ATL3: variants seen among roughly 807,000 people sequenced by gnomAD.
ATL3 encodes the protein atlastin-3.
In ATL3, 49 loss-of-function variants were observed where a neutral mutation model predicts 69.5. That is an observed-to-expected ratio of 0.71 (90% CI 0.56 to 0.89). The LOEUF (loss-of-function observed/expected upper bound fraction) is 0.89. ATL3 is among the 40% of genes least tolerant of loss of function. The probability of loss-of-function intolerance (pLI) is 0.00; values close to 1 mark genes in which losing one functional copy is unlikely to be tolerated. For synonymous variants in ATL3, 214 were observed against 224.1 expected (o/e 0.95, Z 0.40); for missense variants, 606 against 645.7 (o/e 0.94, Z 0.67).
Position 63,629,367 on chromosome 11 carries a change from C to A in ATL3, c.1578G>T (p.Val526=). 2 of 1,614,220 alleles carry A rather than the reference C, an allele frequency of 1.2e-6. No individual in the cohort carries two copies. The highest frequency in any genetic ancestry group is 3.3e-5 in the Admixed American group (2 of 60,028). Residue 526 remains valine (V), a synonymous_variant, in exon 13 of 13, where the codon GTG becomes GTT. Transcript: ENST00000398868. ...SHIGNSTQAT[V]RDAVVGRPSM... Reference sequence around the variant, plus strand: ...ATGGTCTTCCAACAACTGCATCCCTCACAGTGGCCTGAGTGGAATTACCGA... The same window carrying A: ...ATGGTCTTCCAACAACTGCATCCCTAACAGTGGCCTGAGTGGAATTACCGA...
At chr11:63,630,411 C>T (rs1465348415) in intron 12 of ATL3, among the ~76,000 whole-genome samples, 3 of 93,882 alleles carry the variant, frequency 3.2e-5, no homozygotes, top group South Asian at 3.2e-4. Context: ...TGGGCAAAAG[C>T]GTAAAAATCT....
upstream of ATL3, chr11:63,671,908 TTAAC>T (rs1940801737): frequency 3.4e-6 from 1 of 291,356 alleles, no homozygotes; most frequent in Admixed American, 6.2e-5. Context: ...GCTTTGGTGT[TTAAC>T]TAGGCCTGGG....
At chr11:63,644,364 T>A in intron 6 of ATL3, 103 bp from the exon 7 acceptor site, 1 of 635,974 alleles carries the variant, frequency 1.6e-6, no homozygotes, top group Non-Finnish European at 2.7e-6. Flanking sequence ...ACAAAGGGGG[T>A]AAAGTAGAAG....
intron 8 of ATL3, among the ~76,000 whole-genome samples, chr11:63,638,460 C>A (rs1435278407): frequency 6.6e-6 from 1 of 152,050 alleles, no homozygotes; most frequent in African/African-American, 2.4e-5. Context: ...ATCCCAGCAC[C>A]TTGGGAGGCC....
At chr11:63,630,540 G>A (rs1043416079) in intron 12 of ATL3, among the ~76,000 whole-genome samples, 2 of 149,656 alleles carry the variant, frequency 1.3e-5, no homozygotes, top group Non-Finnish European at 3.0e-5. Context: ...GCTCACACCT[G>A]TAATCCCAGC....
At chr11:63,671,521 A>G, upstream of ATL3, 1 of 1,436,454 alleles carries the variant, frequency 7.0e-7, no homozygotes, top group South Asian at 1.4e-5. Flanking sequence ...GGCCCAACGG[A>G]CAGCCCGAGG....
chr11:63,657,088 T>A (rs1194755798), intron 3 of ATL3, among the ~76,000 whole-genome samples: 3 of 151,498 alleles, frequency 2.0e-5, no homozygotes, highest in Non-Finnish European at 4.4e-5. Context: ...TGTGCACCTG[T>A]ACTCCCAGCT....
intron 1 of ATL3, among the ~76,000 whole-genome samples, chr11:63,663,080 T>C (rs1016345903): frequency 4.6e-5 from 7 of 152,066 alleles, no homozygotes; most frequent in African/African-American, 1.7e-4. Context: ...TGCTCACTTT[T>C]TACATTTATA....
chr11:63,640,772 T>C (rs1939676004), intron 8 of ATL3, among the ~76,000 whole-genome samples: 1 of 152,050 alleles, frequency 6.6e-6, no homozygotes, highest in Admixed American at 6.6e-5. Context: ...GCCTGGCTAA[T>C]TTTTGTTTTA....
chr11:63,634,545 C>T (rs370253633), intron 10 of ATL3, among the ~76,000 whole-genome samples: 1 of 152,056 alleles, frequency 6.6e-6, no homozygotes, highest in Admixed American at 6.6e-5. Flanking sequence ...ATGTCAATCC[C>T]AGGCTCTAGC....
intron 6 of ATL3, among the ~76,000 whole-genome samples, 178 bp from the exon 7 acceptor site, chr11:63,644,439 GAGTGC>G (rs555658592): frequency 2.7e-5 from 4 of 145,712 alleles, no homozygotes; most frequent in South Asian, 4.3e-4. Context: ...ACTAAGGCTA[GAGTGC>G]AGTGGCATGA....
intron 3 of ATL3, among the ~76,000 whole-genome samples, chr11:63,657,208 C>CAAAAAAAAA (rs1254213240): frequency 6.7e-5 from 4 of 59,912 alleles, no homozygotes; most frequent in African/African-American, 1.9e-4. Context: ...GACTACATCT[C>CAAAAAAAAA]AAAAAAAAAA....
At chr11:63,642,299 G>A (rs1045054242) in intron 8 of ATL3, among the ~76,000 whole-genome samples, 2 of 152,120 alleles carry the variant, frequency 1.3e-5, no homozygotes, top group East Asian at 3.8e-4. Context: ...ACAAATAAAA[G>A]GTAAAGGTTA....
chr11:63,667,763 CAAA>C (rs35015200), intron 1 of ATL3, among the ~76,000 whole-genome samples: 5 of 99,530 alleles, frequency 5.0e-5, no homozygotes, highest in Non-Finnish European at 2.1e-5. Flanking sequence ...GACTCTGTAT[CAAA>C]AAAAAAAAAA....
intron 5 of ATL3, among the ~76,000 whole-genome samples, chr11:63,648,289 C>T (rs1250715638): frequency 2.0e-5 from 3 of 152,124 alleles, no homozygotes; most frequent in African/African-American, 7.2e-5. Context: ...CCCACCAAGG[C>T]AGGAATTTAA....
Position 63,633,067 on chromosome 11 carries a change from C to A in ATL3, c.1066G>T (p.Ala356Ser). 6.2e-7 allele frequency: 1 copy of A among 1,614,120 alleles called. No homozygotes were observed. The highest frequency in any genetic ancestry group is 8.5e-7 in the Non-Finnish European group (1 of 1,179,964). Residue 356 changes from alanine (A) to serine (S), a missense_variant, in exon 11 of 13, where the codon GCA becomes TCA. Coordinates refer to ENST00000398868, the MANE Select transcript of ATL3 (RefSeq NM_015459.5). ...TAATAAATGTCCTTGGCAGAGGCTGCAGCTGCTAAGTTGTTGGCTTCAGCA... is the reference window on the plus strand; with the variant it reads ...TAATAAATGTCCTTGGCAGAGGCTGAAGCTGCTAAGTTGTTGGCTTCAGCA... ...ATAEANNLAA[A>S]ASAKDIYYNN... is the part of the protein sequence containing the mutation.
intron 8 of ATL3, among the ~76,000 whole-genome samples, chr11:63,640,456 A>ATT (rs1303987634): frequency 7.2e-6 from 1 of 139,630 alleles, no homozygotes; most frequent in Non-Finnish European, 1.6e-5. Context: ...TCCAGCTAGT[A>ATT]TTTTTTTTTT....
At chr11:63,630,431 A>AC (rs1261621802) in intron 12 of ATL3, among the ~76,000 whole-genome samples, 3 of 141,676 alleles carry the variant, frequency 2.1e-5, no homozygotes, top group Non-Finnish European at 4.6e-5. Context: ...TGTCTCAAAA[A>AC]AAAAAAAAAA....
chr11:63,659,268 G>GA lies in ATL3; in HGVS notation c.47-17dup. ...ATGGCATCATCTATGTTCATGCAGAGAAAAAAAATCAGTGTCAAATATTTA... is the reference window on the plus strand; with the variant it reads ...ATGGCATCATCTATGTTCATGCAGAGAAAAAAAAATCAGTGTCAAATATTTA... On this transcript the variant is annotated splice_polypyrimidine_tract_variant and intron_variant, in intron 1 of 12. Coordinates refer to ENST00000398868, the MANE Select transcript of ATL3 (RefSeq NM_015459.5). The GA allele has an allele frequency of 5.6e-6, 9 of 1,599,096 alleles. No individual in the cohort carries two copies. Among genetic ancestry groups the GA allele is most frequent in the South Asian group, 2.2e-5 (2 of 89,362 alleles).
Sources: gnomAD v4.1 joint callset for allele counts (sites outside exome capture counted in the v4.1 genomes callset) on GRCh38, gnomAD v4.1.1 for gene constraint, MANE v1.5 for transcripts, NCBI Gene and HGNC (gene_info 2026-07-23, HGNC 2026-07-21) for gene names.